Variants in EPS15 observed in about 807,000 individuals in gnomAD.
EPS15 encodes the protein epidermal growth factor receptor pathway substrate 15.
A neutral mutation model predicts 113.8 loss-of-function variants in EPS15; 72 were observed. That is an observed-to-expected ratio of 0.63 (90% CI 0.52 to 0.77). The LOEUF (loss-of-function observed/expected upper bound fraction) is 0.77. EPS15 is among the 30% of genes least tolerant of loss of function. The probability of loss-of-function intolerance (pLI) is 0.00; values close to 1 mark genes in which losing one functional copy is unlikely to be tolerated. For missense variants in EPS15, 1,048 were observed against 1,045.8 expected, an observed-to-expected ratio of 1.00 and a Z score of -0.03; for synonymous variants, 344 against 363.4, an observed-to-expected ratio of 0.95 and a Z score of 0.61.
chr1:51,409,365 A>G (rs1219463960), intron 14 of EPS15, among the ~76,000 whole-genome samples, 170 bp downstream of exon 14: 2 of 152,214 alleles, frequency 1.3e-5, no homozygotes, highest in Non-Finnish European at 2.9e-5. Context: ...TCCTCTAAAG[A>G]AGGCCTGTAA....
intron 8 of EPS15, among the ~76,000 whole-genome samples, chr1:51,455,866 CA>C (rs764491493): frequency 6.6e-6 from 1 of 151,626 alleles, no homozygotes. Context: ...TCCACGTACA[CA>C]AAACTCTCTG....
chr1:51,387,533 TAAAG>T (rs1484968438), intron 21 of EPS15, among the ~76,000 whole-genome samples: 4 of 152,152 alleles, frequency 2.6e-5, no homozygotes, highest in Non-Finnish European at 5.9e-5. Context: ...GCAAGTTGGA[TAAAG>T]AGTCAAGACC....
intron 8 of EPS15, among the ~76,000 whole-genome samples, chr1:51,456,558 T>C (rs1169988552): frequency 6.6e-6 from 1 of 152,176 alleles, no homozygotes; most frequent in Admixed American, 6.5e-5. Context: ...AAAGGACTGA[T>C]CATATAAATA....
intron 12 of EPS15, chr1:51,423,157 T>C: frequency 3.2e-6 from 4 of 1,260,830 alleles, no homozygotes; most frequent in Non-Finnish European, 4.1e-6. Flanking sequence ...AATAAAGCTA[T>C]TTGTACACTG....
In EPS15 at chr1:51,519,207, G is replaced by A; in HGVS notation, c.25C>T (p.Leu9=). ...CGGGCGTGTGGCGTTACCTGTGTCA[G>A]AGAGAGCTGGGCCGCCGCAGCCATG... MAAAAQLS[L]TQLSSGNPVY... Residue 9 remains leucine (L), a synonymous_variant, in exon 1 of 25, where the codon CTG becomes TTG. Transcript: ENST00000371733. 7.1e-7 allele frequency: 1 copy of A among 1,416,728 alleles called. No homozygotes were observed. The allele number at this position is 1,416,728 out of a possible 1,614,324, so 87.8% of individuals were successfully genotyped here. A position where few individuals can be genotyped will look rare whatever the true frequency, so the allele number is the denominator to read the frequency against.
At chr1:51,500,565 G>C (rs982332291) in intron 1 of EPS15, among the ~76,000 whole-genome samples, 3 of 152,032 alleles carry the variant, frequency 2.0e-5, no homozygotes, top group African/African-American at 7.2e-5. Flanking sequence ...CTCAACTCTA[G>C]AGAGCAGTGG....
chr1:51,367,961 G>A (rs560257349), intron 21 of EPS15, among the ~76,000 whole-genome samples: 27 of 152,154 alleles, frequency 1.8e-4, no homozygotes, highest in African/African-American at 6.0e-4. Context: ...GTGAAACCCC[G>A]TCTCTACTAA....
Position 51,423,734 on chromosome 1 carries a change from G to A in EPS15, c.1041-1876C>T, listed in dbSNP as rs1041217012. On this transcript the variant is annotated intron_variant, in intron 12 of 24. Coordinates refer to ENST00000371733, the MANE Select transcript of EPS15 (RefSeq NM_001981.3). ...ATCAAGTGTGCATGCAGGAAAACAG[G>A]GCTACAAGAAGCCAGTGAGCTGACT... 10 of 985,124 alleles carry A rather than the reference G, an allele frequency of 1.0e-5. 1 individual carries two copies. In the East Asian group the frequency reaches 1.0e-3, roughly 101 times the overall value. 61.0% of individuals were successfully genotyped at this position (985,124 alleles called of 1,614,324 possible).
intron 16 of EPS15, among the ~76,000 whole-genome samples, chr1:51,404,778 C>A (rs1334454648): frequency 6.6e-6 from 1 of 152,150 alleles, no homozygotes; most frequent in Non-Finnish European, 1.5e-5. Flanking sequence ...ATGACAATCA[C>A]CCATAGAGTG....
intron 10 of EPS15, among the ~76,000 whole-genome samples, chr1:51,446,706 C>T (rs948382996): frequency 3.9e-5 from 6 of 152,120 alleles, no homozygotes; most frequent in African/African-American, 7.2e-5. Context: ...CCACCCACCT[C>T]GGCCTCCCAA....
At chr1:51,493,055 G>A (rs375329288) in intron 1 of EPS15, among the ~76,000 whole-genome samples, 4 of 143,734 alleles carry the variant, frequency 2.8e-5, no homozygotes, top group South Asian at 2.3e-4. Flanking sequence ...GTGAAACCCC[G>A]TCTCTACTAA....
At chr1:51,367,832 A>T (rs1244345233) in intron 21 of EPS15, among the ~76,000 whole-genome samples, 1 of 152,200 alleles carries the variant, frequency 6.6e-6, no homozygotes, top group Non-Finnish European at 1.5e-5. Context: ...ACAAAGAGGC[A>T]CAGAAAAGTT....
chr1:51,444,831 G>A (rs994265261), intron 11 of EPS15, 58 bp downstream of exon 11: 77 of 1,454,130 alleles, frequency 5.3e-5, no homozygotes, highest in Non-Finnish European at 6.6e-5. Flanking sequence ...TCTGTAATTC[G>A]ACATAGTATT....
chr1:51,418,264 GAC>G lies in EPS15; in HGVS notation c.1113+3520_1113+3521del, dbSNP rs1268392953. On this transcript the variant is annotated intron_variant, in intron 13 of 24. Coordinates refer to ENST00000371733, the MANE Select transcript of EPS15 (RefSeq NM_001981.3). Reference sequence around the variant, plus strand: ...AGGGGTTATGGAGAAGGAAAGAAAGGACACACATAAACACACACACAATCTGT... The same window carrying G: ...AGGGGTTATGGAGAAGGAAAGAAAGGACACATAAACACACACACAATCTGT... 2.6e-5 allele frequency among the ~76,000 whole-genome samples: 4 copies of G among 152,172 alleles called. No homozygotes were observed. The East Asian group carries it at 7.7e-4, about 29-fold the overall frequency.
intron 21 of EPS15, among the ~76,000 whole-genome samples, chr1:51,368,724 C>T (rs1646569022): frequency 6.6e-6 from 1 of 151,736 alleles, no homozygotes; most frequent in Non-Finnish European, 1.5e-5. Flanking sequence ...CAGCCTCCCA[C>T]GTAGCTGGGA....
Position 51,451,504 on chromosome 1 carries a change from A to G in EPS15, c.562-3369T>C, listed in dbSNP as rs1027371739. ...AGACTCCATCTCAAAAAAAAAAAAA[A>G]AAAAGAAAGAAAGAAAGAAAAGAAA... On this transcript the variant is annotated intron_variant, in intron 8 of 24. Coordinates refer to ENST00000371733, the MANE Select transcript of EPS15 (RefSeq NM_001981.3). Among the ~76,000 whole-genome samples, 28 of 150,432 alleles carry G rather than the reference A, an allele frequency of 1.9e-4. 1 individual carries two copies. Among genetic ancestry groups the G allele is most frequent in the African/African-American group, 6.1e-4 (25 of 40,854 alleles).
intron 1 of EPS15, among the ~76,000 whole-genome samples, chr1:51,497,046 T>A (rs1185559803): frequency 6.6e-6 from 1 of 152,168 alleles, no homozygotes; most frequent in African/African-American, 2.4e-5. Flanking sequence ...TAACAAGAAA[T>A]CTTCTGCATT....
chr1:51,455,944 T>TA (rs1191447500), intron 8 of EPS15, among the ~76,000 whole-genome samples: 14 of 151,424 alleles, frequency 9.2e-5, no homozygotes, highest in Admixed American at 2.6e-4. Flanking sequence ...AAATTTACTT[T>TA]TAAAAAAAAA....
At position 51,438,350 on chromosome 1, in the gene EPS15, T is replaced by C. The variant is rs546068599; in HGVS notation, c.1040+1997A>G. Among the ~76,000 whole-genome samples the C allele has an allele frequency of 2.6e-4, 40 of 152,326 alleles. 1 individual carries two copies. In the South Asian group the frequency reaches 5.0e-3, roughly 19 times the overall value. The stretch of plus-strand genomic sequence containing the variant: ...TCATGCTGTCAGCTGCCATTTACTA[T>C]ATAAGACTGCCACTGGTACAACTTA... On this transcript the variant is annotated intron_variant, in intron 12 of 24. Coordinates refer to ENST00000371733, the MANE Select transcript of EPS15 (RefSeq NM_001981.3).
Sources: gnomAD v4.1 joint callset for allele counts (sites outside exome capture counted in the v4.1 genomes callset) on GRCh38, gnomAD v4.1.1 for gene constraint, MANE v1.5 for transcripts, NCBI Gene and HGNC (gene_info 2026-07-23, HGNC 2026-07-21) for gene names.